OPCML: variants seen among roughly 807,000 people sequenced by gnomAD.
OPCML encodes opioid-binding protein/cell adhesion molecule.
Under a neutral mutation model 37.8 loss-of-function variants are expected in OPCML, and 13 were observed. The observed-to-expected ratio is 0.34, with a 90% CI of 0.22 to 0.55. The LOEUF is 0.55. OPCML is among the 20% of genes least tolerant of loss of function. The pLI, the probability that OPCML is intolerant of heterozygous loss-of-function variation, is 0.91. For synonymous variants in OPCML, 176 were observed against 168.8 expected, an observed-to-expected ratio of 1.04 and a Z score of -0.33; for missense variants, 341 against 435.6, an observed-to-expected ratio of 0.78 and a Z score of 1.93.
chr11:133,024,782 T>G, intron 1 of OPCML: 1 of 984,182 alleles, frequency 1.0e-6, no homozygotes, highest in Non-Finnish European at 1.2e-6. Flanking sequence ...AGACTTGGAG[T>G]GTAAAATGAC....
chr11:133,422,713 A>C (rs1945917810), intron 1 of OPCML: 1 of 982,918 alleles, frequency 1.0e-6, no homozygotes, highest in East Asian at 1.1e-4. Context: ...AACACTCTCA[A>C]ACTTTCTCAT....
At chr11:133,113,813 C>A (rs1379507744) in intron 1 of OPCML, among the ~76,000 whole-genome samples, 1 of 152,188 alleles carries the variant, frequency 6.6e-6, no homozygotes, top group Non-Finnish European at 1.5e-5. Flanking sequence ...ACTTTATTAG[C>A]CAGCTGAGTG....
At chr11:132,819,387 T>C (rs1219716204) in intron 2 of OPCML, among the ~76,000 whole-genome samples, 1 of 148,512 alleles carries the variant, frequency 6.7e-6, no homozygotes, top group Non-Finnish European at 1.5e-5. Context: ...ACAAAATGGA[T>C]GAAATAGATG....
At chr11:132,813,966 C>A (rs1408654594) in intron 2 of OPCML, among the ~76,000 whole-genome samples, 2 of 152,180 alleles carry the variant, frequency 1.3e-5, no homozygotes, top group Non-Finnish European at 2.9e-5. Flanking sequence ...ACGTGTCCAT[C>A]GCCTTCACAA....
chr11:133,331,162 A>T (rs1483623599), intron 1 of OPCML, among the ~76,000 whole-genome samples: 2 of 152,226 alleles, frequency 1.3e-5, no homozygotes, highest in African/African-American at 2.4e-5. Context: ...AGCAGGTGAG[A>T]TGAAAGCAGC....
intron 2 of OPCML, among the ~76,000 whole-genome samples, chr11:132,708,189 A>G (rs1213139258): frequency 2.0e-5 from 3 of 152,204 alleles, no homozygotes; most frequent in Non-Finnish European, 4.4e-5. Context: ...AATGATTCCT[A>G]TGCTGAATGG....
intron 1 of OPCML, among the ~76,000 whole-genome samples, chr11:133,504,201 T>C (rs1392910033): frequency 6.6e-6 from 1 of 152,208 alleles, no homozygotes; most frequent in Non-Finnish European, 1.5e-5. Flanking sequence ...ATTAAGCTCC[T>C]CAATCCAAAT....
At chr11:132,528,802 T>C (rs1188957526) in intron 4 of OPCML, among the ~76,000 whole-genome samples, 1 of 152,232 alleles carries the variant, frequency 6.6e-6, no homozygotes, top group Non-Finnish European at 1.5e-5. Flanking sequence ...TTGGAAGTTA[T>C]TCTTATGTCC....
intron 3 of OPCML, among the ~76,000 whole-genome samples, chr11:132,589,198 G>A (rs770724066): frequency 6.6e-6 from 1 of 152,188 alleles, no homozygotes; most frequent in South Asian, 2.1e-4. Context: ...AGACAAAAAT[G>A]CATAGAAACC....
At chr11:132,890,904 G>A (rs1242269700) in intron 2 of OPCML, among the ~76,000 whole-genome samples, 1 of 149,844 alleles carries the variant, frequency 6.7e-6, no homozygotes, top group Admixed American at 6.7e-5. Flanking sequence ...ATGACCCTAT[G>A]ATGAGAAATA....
chr11:133,047,972 T>C (rs1948053206), intron 1 of OPCML, among the ~76,000 whole-genome samples: 1 of 152,088 alleles, frequency 6.6e-6, no homozygotes, highest in African/African-American at 2.4e-5. Flanking sequence ...CTGCCCTATT[T>C]GTCCTTGTCC....
chr11:133,439,623 A>G (rs974394094), intron 1 of OPCML, among the ~76,000 whole-genome samples: 21 of 152,100 alleles, frequency 1.4e-4, no homozygotes, highest in African/African-American at 5.1e-4. Flanking sequence ...GCCCGCCACC[A>G]TGCCCGGCTA....
intron 1 of OPCML, among the ~76,000 whole-genome samples, chr11:133,374,623 T>C (rs1425589905): frequency 6.6e-6 from 1 of 152,224 alleles, no homozygotes; most frequent in Non-Finnish European, 1.5e-5. Flanking sequence ...GCCTTCAGAT[T>C]CCTAATATCG....
chr11:133,344,265 A>G (rs1481532568), intron 1 of OPCML, among the ~76,000 whole-genome samples: 1 of 152,184 alleles, frequency 6.6e-6, no homozygotes, highest in Non-Finnish European at 1.5e-5. Flanking sequence ...CTGTTGAATA[A>G]ATGAACCCAC....
intron 1 of OPCML, among the ~76,000 whole-genome samples, chr11:133,415,748 C>T (rs546038848): frequency 2.6e-5 from 4 of 152,174 alleles, no homozygotes; most frequent in African/African-American, 7.2e-5. Flanking sequence ...CCAATGTAAT[C>T]GCATGAATCC....
intron 1 of OPCML, among the ~76,000 whole-genome samples, chr11:133,269,690 A>G (rs528732935): frequency 6.6e-6 from 1 of 152,344 alleles, no homozygotes; most frequent in East Asian, 1.9e-4. Flanking sequence ...ATGGGAGCTG[A>G]ATTTCATTCC....
intron 1 of OPCML, among the ~76,000 whole-genome samples, chr11:133,440,834 CAT>C (rs1210317533): frequency 7.2e-6 from 1 of 139,026 alleles, no homozygotes; most frequent in African/African-American, 2.7e-5. Context: ...ATATATAAAT[CAT>C]ATATATATAT....
chr11:132,804,034 A>G (rs1482454797), intron 2 of OPCML, among the ~76,000 whole-genome samples: 6 of 152,204 alleles, frequency 3.9e-5, no homozygotes, highest in Non-Finnish European at 5.9e-5. Flanking sequence ...ACTGTATTGG[A>G]ATAGACCTTG....
chr11:133,112,388 A>G (rs1541878), intron 1 of OPCML, among the ~76,000 whole-genome samples: 25,083 of 151,404 alleles, frequency 0.17, 3,425 homozygotes, highest in African/African-American at 0.37. Context: ...CGTTGATACT[A>G]AAAATCAACA....
Sources: allele counts gnomAD v4.1 joint callset (sites outside exome capture counted in the v4.1 genomes callset), GRCh38; gene constraint gnomAD v4.1.1; transcripts MANE v1.5; gene names NCBI Gene and HGNC (gene_info 2026-07-23, HGNC 2026-07-21).